Variants in VPS8 observed in about 807,000 individuals in gnomAD.
VPS8 encodes VPS8 subunit of CORVET complex.
In VPS8, 129 loss-of-function variants were observed where a neutral mutation model predicts 216.4. The ratio of observed to expected loss-of-function variants is 0.60; its 90% confidence interval spans 0.52 to 0.69. VPS8 has a LOEUF of 0.69. Among genes scored for constraint, VPS8 ranks in the 30% least tolerant of loss-of-function variants. VPS8 has a pLI of 0.00. For synonymous variants in VPS8, 571 were observed against 565.4 expected, an observed-to-expected ratio of 1.01 and a Z score of -0.14; for missense variants, 1,531 against 1,683.5, an observed-to-expected ratio of 0.91 and a Z score of 1.59.
At chr3:184,958,926 C>T (rs1463172868) in intron 37 of VPS8, among the ~76,000 whole-genome samples, 1 of 151,880 alleles carries the variant, frequency 6.6e-6, no homozygotes, top group East Asian at 1.9e-4. Flanking sequence ...TCATATTTGG[C>T]CTGATTATTT....
intron 45 of VPS8, among the ~76,000 whole-genome samples, chr3:185,002,918 A>G (rs1226222949): frequency 6.6e-6 from 1 of 152,158 alleles, no homozygotes; most frequent in Non-Finnish European, 1.5e-5. Context: ...ATGCATGTAC[A>G]AGTGTCTTTT....
chr3:185,008,979 G>A (rs7646202), intron 45 of VPS8, among the ~76,000 whole-genome samples: 139,245 of 152,302 alleles, frequency 0.91, 64,385 homozygotes, highest in Non-Finnish European at 0.98. Flanking sequence ...TGTCTTGTTC[G>A]GTCAAGAGTT....
chr3:184,812,590 A>T (rs568323643), intron 1 of VPS8: 1 of 152,274 alleles, frequency 6.6e-6, no homozygotes, highest in South Asian at 2.1e-4. Flanking sequence ...GACTCCGGTG[A>T]TGTATTTGTG....
chr3:184,880,835 C>A (rs1423061436), intron 21 of VPS8, among the ~76,000 whole-genome samples: 1 of 152,158 alleles, frequency 6.6e-6, no homozygotes, highest in Non-Finnish European at 1.5e-5. Context: ...GATGAAGTCA[C>A]TGTTTTATTT....
chr3:184,873,279 C>T (rs1044998990), intron 21 of VPS8, among the ~76,000 whole-genome samples: 1 of 151,988 alleles, frequency 6.6e-6, no homozygotes, highest in African/African-American at 2.4e-5. Context: ...GACTTCAAAG[C>T]CCAGTTCTTA....
Position 184,915,052 on chromosome 3 carries a change from A to G in VPS8, c.2261A>G (p.Gln754Arg). Residue 754 changes from glutamine to arginine, a missense_variant and splice_region_variant, in exon 27 of 48, where the codon CAG (glutamine) becomes CGG (arginine). By Grantham distance (43) the Gln-to-Arg change is conservative. Coordinates refer to ENST00000625842, the MANE Select transcript of VPS8 (RefSeq NM_001009921.3). ...PEDLVPLVKN[Q>R]VFEFLIRLHS... The stretch of plus-strand genomic sequence containing the variant: ...GATCTGGTTCCCTTGGTTAAAAACC[A>G]GGTTGGTACTATTTTTATAGCCTTT... 1 of 1,613,888 alleles carries G rather than the reference A, an allele frequency of 6.2e-7. No homozygotes were observed. Among genetic ancestry groups the G allele is most frequent in the Non-Finnish European group, 8.5e-7 (1 of 1,179,774 alleles).
intron 10 of VPS8, among the ~76,000 whole-genome samples, chr3:184,851,970 A>T (rs1287099462): frequency 3.9e-5 from 6 of 152,338 alleles, no homozygotes; most frequent in Non-Finnish European, 7.4e-5. Flanking sequence ...TATGCTGTGG[A>T]AGAAGATCAA....
At chr3:184,912,873 C>T (rs954634874) in intron 25 of VPS8, among the ~76,000 whole-genome samples, 2 of 152,206 alleles carry the variant, frequency 1.3e-5, no homozygotes, top group Non-Finnish European at 2.9e-5. Flanking sequence ...ATCATCTGTG[C>T]GCTGTGGGCG....
At chr3:184,901,671 A>G (rs1045131849) in intron 25 of VPS8, among the ~76,000 whole-genome samples, 1 of 152,186 alleles carries the variant, frequency 6.6e-6, no homozygotes, top group Non-Finnish European at 1.5e-5. Context: ...TATTGAATTC[A>G]TATTGATAAA....
chr3:184,892,923 G>C (rs1732642744), intron 22 of VPS8, among the ~76,000 whole-genome samples: 1 of 152,058 alleles, frequency 6.6e-6, no homozygotes, highest in African/African-American at 2.4e-5. Flanking sequence ...CATTTTCTTT[G>C]AATCATTGGT....
intron 46 of VPS8, among the ~76,000 whole-genome samples, chr3:185,030,427 G>GAGCTC (rs1175140074): frequency 4.6e-5 from 7 of 150,982 alleles, no homozygotes; most frequent in Admixed American, 1.3e-4. Flanking sequence ...GAGGGGCCAG[G>GAGCTC]TGCTCTGGCT....
At chr3:185,003,343 T>C (rs931694924) in intron 45 of VPS8, among the ~76,000 whole-genome samples, 1 of 146,160 alleles carries the variant, frequency 6.8e-6, no homozygotes, top group African/African-American at 2.6e-5. Context: ...AGATTAGGGA[T>C]TGGTGATGAC....
At chr3:185,021,824 A>G (rs954794736) in intron 45 of VPS8, among the ~76,000 whole-genome samples, 3 of 152,224 alleles carry the variant, frequency 2.0e-5, no homozygotes, top group Admixed American at 6.5e-5. Flanking sequence ...TATATTTCCT[A>G]TAGTATATAT....
intron 46 of VPS8, among the ~76,000 whole-genome samples, chr3:185,032,273 G>A (rs1366031250): frequency 6.6e-6 from 1 of 152,178 alleles, no homozygotes; most frequent in Non-Finnish European, 1.5e-5. Context: ...AGAAAAATCT[G>A]AATTTATGTA....
At chr3:184,918,683 G>A (rs1388679769) in intron 28 of VPS8, among the ~76,000 whole-genome samples, 1 of 152,178 alleles carries the variant, frequency 6.6e-6, no homozygotes, top group Non-Finnish European at 1.5e-5. Flanking sequence ...CACTGCCGTA[G>A]TTTTTAAATG....
chr3:184,959,134 T>C (rs1347163171), intron 37 of VPS8, among the ~76,000 whole-genome samples: 1 of 152,174 alleles, frequency 6.6e-6, no homozygotes, highest in Non-Finnish European at 1.5e-5. Flanking sequence ...CCAAATATTC[T>C]GAAGTTCCTG....
chr3:185,030,504 T>C (rs1436296206), intron 46 of VPS8, among the ~76,000 whole-genome samples: 7 of 152,184 alleles, frequency 4.6e-5, no homozygotes, highest in African/African-American at 7.2e-5. Flanking sequence ...AGTAACTTCT[T>C]CCAGTTAGGG....
intron 27 of VPS8, 94 bp downstream of exon 27, chr3:184,915,147 G>A: frequency 7.0e-7 from 1 of 1,430,758 alleles, no homozygotes; most frequent in South Asian, 1.2e-5. Context: ...CGTGGGTCAG[G>A]AGCTATCACC....
intron 47 of VPS8, among the ~76,000 whole-genome samples, chr3:185,051,512 C>T (rs1002615297): frequency 9.2e-5 from 14 of 151,990 alleles, no homozygotes; most frequent in Non-Finnish European, 1.5e-5. Flanking sequence ...CAGCCCAGGG[C>T]GCGTCCACAG....
Sources: gnomAD v4.1 joint callset for allele counts (sites outside exome capture counted in the v4.1 genomes callset) on GRCh38, gnomAD v4.1.1 for gene constraint, MANE v1.5 for transcripts, NCBI Gene and HGNC (gene_info 2026-07-23, HGNC 2026-07-21) for gene names.